Variants in NCCRP1 observed in about 807,000 individuals in gnomAD.
The protein encoded by NCCRP1 is F-box only protein 50.
NCCRP1 carries 32 observed loss-of-function variants against 34.4 expected under a neutral mutation model. The ratio of observed to expected loss-of-function variants is 0.93; its 90% CI spans 0.70 to 1.25. NCCRP1 has a LOEUF of 1.25. NCCRP1 is among the 50% of genes most tolerant of loss of function. The pLI is 0.00. For synonymous variants in NCCRP1, 172 were observed against 180.1 expected, an observed-to-expected ratio of 0.95 and a Z score of 0.36; for missense variants, 372 against 391.8, an observed-to-expected ratio of 0.95 and a Z score of 0.43.
In NCCRP1 at chr19:39,197,158, C is replaced by A. The variant is rs749672819; in HGVS notation, c.176C>A (p.Pro59His). 8.3e-6 allele frequency: 12 copies of A among 1,453,376 alleles called. 1 individual carries two copies. In the South Asian group the frequency reaches 1.7e-4, roughly 20 times the overall value. The allele number at this position is 1,453,376 out of a possible 1,614,324, so 90.0% of individuals were successfully genotyped here. The part of the protein sequence containing the change: ...SPAAPEAPEL[P>H]EPAQPSEAHA... Reference sequence around the variant, plus strand: ...GCAGCCCCGGAGGCCCCCGAGCTCCCCGAGCCGGCGCAGCCGTCCGAGGCT... The same window carrying A: ...GCAGCCCCGGAGGCCCCCGAGCTCCACGAGCCGGCGCAGCCGTCCGAGGCT... The change falls in exon 1 of 6, where the codon CCC becomes CAC. Residue 59 changes from proline to histidine, a missense_variant. Transcript: ENST00000339852.
Position 39,200,261 on chromosome 19 carries a change from T to G in NCCRP1, c.549-85T>G. 1.3e-6 allele frequency: 2 copies of G among 1,529,376 alleles called. No individual in the cohort carries two copies. The highest frequency in any genetic ancestry group is 1.8e-6 in the Non-Finnish European group (2 of 1,119,116). The allele number at this position is 1,529,376 out of a possible 1,614,324, so 94.7% of individuals were successfully genotyped here. On this transcript the variant is annotated intron_variant, in intron 4 of 5. Transcript: ENST00000339852. This position sits in a 1 kb window ranked among gnomAD's most constrained non-coding sequence, Gnocchi z 5.8. ...TGTGTACAGCATGGGTAGCAGCATG[T>G]GTGTTGAATGGGGAATGGGGCCAGG... is the stretch of plus-strand genomic sequence containing the variant.
At chr19:39,199,097 C>T in intron 3 of NCCRP1, 73 bp from the exon 4 acceptor site, 1 of 1,441,784 alleles carries the variant, frequency 6.9e-7, no homozygotes, top group African/African-American at 1.4e-5. Context: ...TAAGAAAGCA[C>T]TAAGACAGGG....
In NCCRP1 at chr19:39,197,096, G is replaced by A. The variant is rs1297122789; in HGVS notation, c.114G>A (p.Pro38=). ...SPRSPSPPPS[P]PPLPSPPSLP... ...GGTCGCCTTCACCGCCGCCGTCGCC[G>A]CCACCACTGCCCTCGCCGCCGTCGC... Residue 38 remains proline (P), a synonymous_variant, in exon 1 of 6, where the codon CCG becomes CCA. Transcript: ENST00000339852. 4 of 1,527,766 alleles carry A rather than the reference G, an allele frequency of 2.6e-6. No homozygotes were observed. Among genetic ancestry groups the A allele is most frequent in the South Asian group, 2.4e-5 (2 of 83,712 alleles). 94.6% of individuals were successfully genotyped at this position (1,527,766 alleles called of 1,614,324 possible).
At position 39,200,317 on chromosome 19, in the gene NCCRP1, A is replaced by G; in HGVS notation, c.549-29A>G. ...GGGCTGGGTAGCTGAGACTGCAGTG[A>G]CAGCTGAAGGCCTTGACTCCGCCTG... is the stretch of plus-strand genomic sequence containing the variant. On this transcript the variant is annotated intron_variant, in intron 4 of 5. Coordinates refer to ENST00000339852, the MANE Select transcript of NCCRP1 (RefSeq NM_001001414.2). This position sits in a 1 kb window ranked among gnomAD's most constrained non-coding sequence, Gnocchi z 5.8. 6.2e-7 allele frequency: 1 copy of G among 1,609,946 alleles called. No homozygotes were observed. The highest frequency in any genetic ancestry group is 1.3e-5 in the African/African-American group (1 of 75,008).
rs1334512925 is a variant in NCCRP1 at position 39,201,559 on chromosome 19, C to G, written c.*803C>G. The G allele has an allele frequency of 6.6e-6, 1 of 152,220 alleles. No homozygotes were observed. Among genetic ancestry groups the G allele is most frequent in the Non-Finnish European group, 1.5e-5 (1 of 68,064 alleles). 9.4% of individuals were successfully genotyped at this position (152,220 alleles called of 1,614,324 possible). On this transcript the variant is annotated 3_prime_UTR_variant, in exon 6 of 6. Transcript: ENST00000339852. ...CTCCTGACCTCAAGTGATCTGCCCA[C>G]CTTGGCTTCCCAAAGTGCTGGGATT...
Position 39,201,017 on chromosome 19 carries a change from C to T in NCCRP1, c.*261C>T. 2.2e-6 allele frequency: 1 copy of T among 449,230 alleles called. No homozygotes were observed. Among genetic ancestry groups the T allele is most frequent in the African/African-American group, 2.0e-5 (1 of 50,000 alleles). 27.8% of individuals were successfully genotyped at this position (449,230 alleles called of 1,614,324 possible). ...TTTGTAGATCTCTGTTGAGAGAATG[C>T]ATAGACACCTGTGCCCAAGGATGCT... On this transcript the variant is annotated 3_prime_UTR_variant, in exon 6 of 6. Transcript: ENST00000339852.
intron 4 of NCCRP1, among the ~76,000 whole-genome samples, chr19:39,199,661 C>T (rs1456769620): frequency 7.3e-5 from 11 of 151,454 alleles, no homozygotes; most frequent in Admixed American, 2.0e-4. Context: ...TACAGGCGCG[C>T]GCCACCATAC....
At chr19:39,197,422 A>G (rs1397516765) in intron 1 of NCCRP1, 103 bp downstream of exon 1, 1 of 1,018,980 alleles carries the variant, frequency 9.8e-7, no homozygotes, top group Non-Finnish European at 1.3e-6. Flanking sequence ...CTCTCTGTCT[A>G]TGCATTTCTC....
chr19:39,200,374 G>A lies in NCCRP1; in HGVS notation c.577G>A (p.Val193Ile), dbSNP rs565794896. 1.9e-5 allele frequency: 31 copies of A among 1,613,690 alleles called. No homozygotes were observed. The highest frequency in any genetic ancestry group is 2.2e-5 in the East Asian group (1 of 44,892). Reference protein sequence around the residue: ...WFEDSRLDACVYELHVWLLAA... With the variant: ...WFEDSRLDACIYELHVWLLAA... The stretch of plus-strand genomic sequence containing the variant: ...CGAGGACAGCCGGCTGGATGCGTGC[G>A]TCTATGAGCTGCATGTCTGGCTGCT... The change falls in exon 5 of 6, where the codon GTC (valine) becomes ATC (isoleucine). Residue 193 changes from valine to isoleucine, a missense_variant. Transcript: ENST00000339852. The surrounding 1 kb of genome is among the most constrained non-coding windows in gnomAD (Gnocchi z 5.8).
chr19:39,199,418 G>A (rs1297422997), intron 4 of NCCRP1, among the ~76,000 whole-genome samples, 153 bp downstream of exon 4: 1 of 150,660 alleles, frequency 6.6e-6, no homozygotes, highest in African/African-American at 2.4e-5. Flanking sequence ...GGCCCCTTCT[G>A]TTTGAGCCTT....
intron 4 of NCCRP1, among the ~76,000 whole-genome samples, chr19:39,199,893 G>A (rs552458953): frequency 6.6e-6 from 1 of 152,056 alleles, no homozygotes; most frequent in African/African-American, 2.4e-5. Flanking sequence ...ACTTCCACAT[G>A]GCTGCACCAG....
At position 39,197,128 on chromosome 19, in the gene NCCRP1, C is replaced by A. The variant is rs926085303; in HGVS notation, c.146C>A (p.Ser49Ter). 6 of 1,515,034 alleles carry A rather than the reference C, an allele frequency of 4.0e-6. No individual in the cohort carries two copies. Among genetic ancestry groups the A allele is most frequent in the Non-Finnish European group, 5.3e-6 (6 of 1,139,026 alleles). The allele number at this position is 1,515,034 out of a possible 1,614,324, so 93.8% of individuals were successfully genotyped here. ...CTGCCCTCGCCGCCGTCGCTGCCAT[C>A]GCCCGCAGCCCCGGAGGCCCCCGAG... ...PPLPSPPSLP[S>*]PAAPEAPELP... Residue 49 changes from serine to a stop codon, truncating the protein, a stop_gained, in exon 1 of 6, where the codon TCG becomes TAG. Transcript: ENST00000339852. LOFTEE classifies it high-confidence loss of function.
chr19:39,200,715 C>A lies in NCCRP1; in HGVS notation c.787C>A (p.Arg263=). 1 of 1,613,606 alleles carries A rather than the reference C, an allele frequency of 6.2e-7. No individual in the cohort carries two copies. Among genetic ancestry groups the A allele is most frequent in the Non-Finnish European group, 8.5e-7 (1 of 1,180,030 alleles). ...GGAGCCTGGTGGGCTGCGGCGGACA[C>A]GGGTGACCGACTCCTCCGTGTCTGT... The part of the protein sequence containing the change: ...RMEPGGLRRT[R]VTDSSVSVQL... Residue 263 remains arginine (R), a synonymous_variant, in exon 6 of 6, where the codon CGG becomes AGG. Transcript: ENST00000339852. The surrounding 1 kb of genome is among the most constrained non-coding windows in gnomAD (Gnocchi z 5.8).
In NCCRP1 at chr19:39,199,158, CT is replaced by C; in HGVS notation, c.453-10del. 1 of 1,613,678 alleles carries C rather than the reference CT, an allele frequency of 6.2e-7. No individual in the cohort carries two copies. Among genetic ancestry groups the C allele is most frequent in the Non-Finnish European group, 8.5e-7 (1 of 1,179,616 alleles). On this transcript the variant is annotated splice_polypyrimidine_tract_variant and intron_variant, in intron 3 of 5. Transcript: ENST00000339852. ...ATCGCAGACCCCGCCTCTCCCGGCC[CT>C]TCTTTCACAGCTGGACAGTGAAGCA...
At position 39,197,228 on chromosome 19, in the gene NCCRP1, G is replaced by A; in HGVS notation, c.246G>A (p.Gly82=). The A allele has an allele frequency of 6.8e-7, 1 of 1,461,900 alleles. No homozygotes were observed. Among genetic ancestry groups the A allele is most frequent in the Non-Finnish European group, 8.9e-7 (1 of 1,118,378 alleles). The allele number at this position is 1,461,900 out of a possible 1,614,324, so 90.6% of individuals were successfully genotyped here. Residue 82 remains glycine, a synonymous_variant, in exon 1 of 6, where the codon GGG becomes GGA. Transcript: ENST00000339852. ...LLLEEWGPLS[G]GLELPQRLTW... ...TGGAGGAGTGGGGGCCGCTGAGCGG[G>A]GGCCTGGAGCTGCCCCAGCGCCTCA...
In NCCRP1 at chr19:39,197,285, C is replaced by G. The variant is rs1481882211; in HGVS notation, c.303C>G (p.Leu101=). The G allele has an allele frequency of 2.7e-6, 4 of 1,488,590 alleles. No homozygotes were observed. The South Asian group carries it at 3.9e-5, about 15-fold the overall frequency. 92.2% of individuals were successfully genotyped at this position (1,488,590 alleles called of 1,614,324 possible). A position where few individuals can be genotyped will look rare whatever the true frequency, so the allele number is the denominator to read the frequency against. Residue 101 remains leucine, a synonymous_variant, in exon 1 of 6, where the codon CTC becomes CTG. Coordinates refer to ENST00000339852, the MANE Select transcript of NCCRP1 (RefSeq NM_001001414.2). ...TWKLLLLRRP[L]YRNLLRSPNP... Reference sequence around the variant, plus strand: ...AGCTGCTCCTGTTGCGGCGGCCGCTCTACCGCAACCTGCTGCGCTCGCCCA... The same window carrying G: ...AGCTGCTCCTGTTGCGGCGGCCGCTGTACCGCAACCTGCTGCGCTCGCCCA...
chr19:39,199,035 A>T, intron 3 of NCCRP1, 135 bp from the exon 4 acceptor site: 1 of 716,848 alleles, frequency 1.4e-6, no homozygotes, highest in East Asian at 2.6e-5. Context: ...GTGGGAACTG[A>T]GAGTGGAAGG....
chr19:39,200,798 C>G lies in NCCRP1; in HGVS notation c.*42C>G. On this transcript the variant is annotated 3_prime_UTR_variant, in exon 6 of 6. Transcript: ENST00000339852. The surrounding 1 kb of genome is among the most constrained non-coding windows in gnomAD (Gnocchi z 5.8). The stretch of plus-strand genomic sequence containing the variant: ...TCCTGACCCCACAGCACCTCCCTGA[C>G]CTTTAGGAGCCCCAACTCTTAGTCA... The G allele has an allele frequency of 6.4e-7, 1 of 1,572,190 alleles. No individual in the cohort carries two copies. The highest frequency in any genetic ancestry group is 1.1e-5 in the South Asian group (1 of 87,074).
Position 39,200,575 on chromosome 19 carries a change from CA to C in NCCRP1, c.688-36del. The C allele has an allele frequency of 1.2e-6, 2 of 1,611,714 alleles. No individual in the cohort carries two copies. Among genetic ancestry groups the C allele is most frequent in the Non-Finnish European group, 1.7e-6 (2 of 1,178,980 alleles). On this transcript the variant is annotated intron_variant, in intron 5 of 5. Coordinates refer to ENST00000339852, the MANE Select transcript of NCCRP1 (RefSeq NM_001001414.2). The surrounding 1 kb of genome is among the most constrained non-coding windows in gnomAD (Gnocchi z 5.8). ...GGAGGAGAACAGGTCCGCGGGTCCT[CA>C]AAAAGGGCTCCTCCCTAACCCCAGG...
Sources: allele counts gnomAD v4.1 joint callset (sites outside exome capture counted in the v4.1 genomes callset), GRCh38; gene constraint gnomAD v4.1.1; non-coding constraint Gnocchi (gnomAD v3.1); transcripts MANE v1.5; gene names NCBI Gene and HGNC (gene_info 2026-07-23, HGNC 2026-07-21).